AK8: variants seen among roughly 807,000 people sequenced by gnomAD.
AK8 encodes the protein adenylate kinase 8, also known as ATP-AMP transphosphorylase 8.
AK8 carries 44 observed loss-of-function variants against 54.6 expected under a neutral mutation model. That is an observed-to-expected ratio of 0.81 (90% CI 0.63 to 1.04). The LOEUF is 1.04. Ranked by LOEUF, AK8 falls within the 50% of genes least tolerant of loss-of-function variation. The probability of loss-of-function intolerance (pLI) is 0.00; values close to 1 mark genes in which losing one functional copy is unlikely to be tolerated. For synonymous variants in AK8, 239 were observed against 245.6 expected (o/e 0.97, Z 0.25); for missense variants, 555 against 613.6 (o/e 0.90, Z 1.01).
chr9:132,797,369 C>T (rs1261124175), intron 10 of AK8, among the ~76,000 whole-genome samples: 1 of 152,174 alleles, frequency 6.6e-6, no homozygotes, highest in Non-Finnish European at 1.5e-5. Context: ...TTCTTTAGTT[C>T]CTCAAGCGTT....
chr9:132,762,730 C>G (rs374903680), intron 11 of AK8, among the ~76,000 whole-genome samples: 1 of 152,048 alleles, frequency 6.6e-6, no homozygotes, highest in Non-Finnish European at 1.5e-5. Flanking sequence ...ATGGAGAAAC[C>G]CTGTCTCTAC....
chr9:132,728,251 T>C (rs1183418142), intron 11 of AK8, among the ~76,000 whole-genome samples: 1 of 152,198 alleles, frequency 6.6e-6, no homozygotes, highest in Non-Finnish European at 1.5e-5. Context: ...CAGGGCTCCC[T>C]GCAAGGACGC....
At chr9:132,867,511 T>G (rs1347348359) in intron 2 of AK8, among the ~76,000 whole-genome samples, 6 of 152,262 alleles carry the variant, frequency 3.9e-5, no homozygotes, top group African/African-American at 1.4e-4. Context: ...TTGATTTTAG[T>G]CCTGGCTGGT....
chr9:132,806,895 A>G (rs1840749875), intron 10 of AK8, among the ~76,000 whole-genome samples: 2 of 151,228 alleles, frequency 1.3e-5, no homozygotes, highest in South Asian at 4.2e-4. Context: ...GCTTCTTGAA[A>G]CTCTCTCAAA....
chr9:132,795,827 C>A (rs936672672), intron 10 of AK8, among the ~76,000 whole-genome samples: 15 of 152,112 alleles, frequency 9.9e-5, no homozygotes, highest in Non-Finnish European at 4.4e-5. Context: ...ATGGTTTGAC[C>A]GGGCCTAGGA....
At chr9:132,850,381 T>C (rs1842926090) in intron 5 of AK8, among the ~76,000 whole-genome samples, 2 of 136,862 alleles carry the variant, frequency 1.5e-5, no homozygotes, top group Non-Finnish European at 1.6e-5. Flanking sequence ...CGTGAGCCAC[T>C]GCATTCAACC....
intron 4 of AK8, among the ~76,000 whole-genome samples, chr9:132,859,854 C>T (rs1010618562): frequency 6.6e-6 from 1 of 152,060 alleles, no homozygotes; most frequent in Non-Finnish European, 1.5e-5. Flanking sequence ...CCAGGGGCAG[C>T]GTTTCAGGGG....
At chr9:132,787,817 C>T (rs1057230237) in intron 11 of AK8, among the ~76,000 whole-genome samples, 81 of 152,212 alleles carry the variant, frequency 5.3e-4, no homozygotes, top group African/African-American at 1.9e-3. Context: ...GCTTTTAAAT[C>T]ATCTTTTTAA....
At chr9:132,812,228 CTTTT>C (rs528951216) in intron 10 of AK8, among the ~76,000 whole-genome samples, 2 of 92,552 alleles carry the variant, frequency 2.2e-5, no homozygotes, top group Non-Finnish European at 4.1e-5. Context: ...GCTACTGTGG[CTTTT>C]TTTTTTTTTT....
At chr9:132,856,890 C>G (rs2040809) in intron 4 of AK8, among the ~76,000 whole-genome samples, 1 of 151,918 alleles carries the variant, frequency 6.6e-6, no homozygotes, top group Non-Finnish European at 1.5e-5. Flanking sequence ...AGCGAGAGAA[C>G]GAGGGAGGGG....
chr9:132,778,265 A>T (rs913735843), intron 11 of AK8, among the ~76,000 whole-genome samples: 4 of 152,122 alleles, frequency 2.6e-5, no homozygotes, highest in Non-Finnish European at 5.9e-5. Flanking sequence ...TAGCTCAATT[A>T]ATGAGGAGTA....
chr9:132,875,796 AC>A (rs1485260830), intron 1 of AK8, among the ~76,000 whole-genome samples: 1 of 152,114 alleles, frequency 6.6e-6, no homozygotes, highest in African/African-American at 2.4e-5. Flanking sequence ...AGCCCTTGGC[AC>A]CCCAATACCT....
At chr9:132,726,093 C>G (rs1425994367) in intron 12 of AK8, among the ~76,000 whole-genome samples, 168 bp from the exon 13 acceptor site, 2 of 152,128 alleles carry the variant, frequency 1.3e-5, no homozygotes, top group African/African-American at 4.8e-5. Flanking sequence ...CTGATGGGCC[C>G]TGGAGCTACA....
At chr9:132,845,878 T>C (rs1842728902) in intron 5 of AK8, among the ~76,000 whole-genome samples, 1 of 147,706 alleles carries the variant, frequency 6.8e-6, no homozygotes, top group Non-Finnish European at 1.5e-5. Context: ...CCCCAGAAAC[T>C]ATCACTCAGT....
chr9:132,817,067 C>A (rs1456363618), intron 9 of AK8, among the ~76,000 whole-genome samples: 1 of 152,186 alleles, frequency 6.6e-6, no homozygotes, highest in Non-Finnish European at 1.5e-5. Context: ...TCACACAGGG[C>A]TGGGAGATGC....
intron 10 of AK8, among the ~76,000 whole-genome samples, chr9:132,794,920 G>A (rs193249665): frequency 3.5e-4 from 53 of 152,256 alleles, no homozygotes; most frequent in African/African-American, 1.2e-3. Context: ...TGTTGTGACC[G>A]GCTCACACCG....
At chr9:132,774,774 C>T (rs1839135257) in intron 11 of AK8, among the ~76,000 whole-genome samples, 1 of 152,174 alleles carries the variant, frequency 6.6e-6, no homozygotes, top group Non-Finnish European at 1.5e-5. Flanking sequence ...TGTCATTGTC[C>T]ACCCGAGGCA....
intron 9 of AK8, among the ~76,000 whole-genome samples, chr9:132,816,361 A>T (rs1157900637): frequency 1.3e-5 from 2 of 151,944 alleles, no homozygotes; most frequent in African/African-American, 4.8e-5. Context: ...TCTCAAAAAA[A>T]AAAAAAGAAA....
intron 11 of AK8, among the ~76,000 whole-genome samples, chr9:132,786,554 C>T (rs1839715204): frequency 1.3e-5 from 2 of 152,122 alleles, no homozygotes; most frequent in Admixed American, 6.5e-5. Context: ...GGAATCGGAG[C>T]AGCCCAGAGG....
Sources: gnomAD v4.1 joint callset for allele counts (sites outside exome capture counted in the v4.1 genomes callset) on GRCh38, gnomAD v4.1.1 for gene constraint, MANE v1.5 for transcripts, NCBI Gene and HGNC (gene_info 2026-07-23, HGNC 2026-07-21) for gene names.